Variants in GABRB3 observed in about 807,000 individuals in gnomAD.
The protein encoded by GABRB3 is gamma-aminobutyric acid type A receptor subunit beta3.
Under a neutral mutation model 52.1 loss-of-function variants are expected in GABRB3, and 14 were observed. The ratio of observed to expected loss-of-function variants is 0.27; its 90% confidence interval spans 0.18 to 0.42. GABRB3 has a LOEUF of 0.42. Among genes scored for constraint, GABRB3 ranks in the 10% least tolerant of loss-of-function variants. The pLI is 1.00. For synonymous variants in GABRB3, 260 were observed against 232.3 expected (o/e 1.12, Z -1.08); for missense variants, 307 against 609.1 (o/e 0.50, Z 5.22).
chr15:26,643,213 G>T (rs991872911), intron 3 of GABRB3, among the ~76,000 whole-genome samples: 10 of 152,184 alleles, frequency 6.6e-5, no homozygotes, highest in Admixed American at 6.5e-4. Flanking sequence ...TCACCGAGGA[G>T]CTGTTCTCCC....
At chr15:26,755,086 C>T (rs1890624296) in intron 3 of GABRB3, among the ~76,000 whole-genome samples, 1 of 150,312 alleles carries the variant, frequency 6.7e-6, no homozygotes, top group Non-Finnish European at 1.5e-5. Context: ...TCACTGCAAC[C>T]TCCAACTCCT....
At chr15:26,632,930 C>A (rs1892950056) in intron 3 of GABRB3, among the ~76,000 whole-genome samples, 1 of 152,286 alleles carries the variant, frequency 6.6e-6, no homozygotes, top group East Asian at 1.9e-4. Context: ...CCAGTCACCC[C>A]TGAAAGAAGA....
In GABRB3 at chr15:26,672,787, G is replaced by A. The variant is rs750542222; in HGVS notation, c.241-51253C>T. Among the ~76,000 whole-genome samples, 10 of 152,152 alleles carry A rather than the reference G, an allele frequency of 6.6e-5. No individual in the cohort carries two copies. The East Asian group carries it at 7.7e-4, about 12-fold the overall frequency. ...CAAACATCATGATCAGAGCAGATGC[G>A]CAATGTTTACAAGGACGGATGAAAA... On this transcript the variant is annotated intron_variant, in intron 3 of 8. Coordinates refer to ENST00000311550, the MANE Select transcript of GABRB3 (RefSeq NM_000814.6).
At chr15:26,655,570 G>A (rs942589804) in intron 3 of GABRB3, among the ~76,000 whole-genome samples, 5 of 152,056 alleles carry the variant, frequency 3.3e-5, no homozygotes, top group Admixed American at 1.3e-4. Context: ...GTGAAACCCT[G>A]TCTCTACTAA....
At chr15:26,750,666 C>G (rs758627349) in intron 3 of GABRB3, among the ~76,000 whole-genome samples, 3 of 152,026 alleles carry the variant, frequency 2.0e-5, no homozygotes, top group Non-Finnish European at 4.4e-5. Context: ...ATGCAAGAAG[C>G]TGCTTTAGAG....
intron 3 of GABRB3, among the ~76,000 whole-genome samples, chr15:26,714,237 T>C (rs1255170951): frequency 2.0e-5 from 3 of 152,210 alleles, no homozygotes. Flanking sequence ...TGTAGTGAGA[T>C]GATACACAGA....
chr15:26,705,331 C>A (rs1889064725), intron 3 of GABRB3, among the ~76,000 whole-genome samples: 1 of 152,148 alleles, frequency 6.6e-6, no homozygotes, highest in Admixed American at 6.5e-5. Context: ...CTCTTAAAGG[C>A]TACACCTCTT....
intron 4 of GABRB3, among the ~76,000 whole-genome samples, chr15:26,609,132 ACAC>A (rs1225784374): frequency 1.8e-5 from 2 of 108,624 alleles, no homozygotes; most frequent in Admixed American, 9.2e-5. Flanking sequence ...ACACACACAC[ACAC>A]AATGGAATGC....
intron 6 of GABRB3, among the ~76,000 whole-genome samples, 191 bp downstream of exon 6, chr15:26,580,128 G>A (rs144117995): frequency 3.3e-5 from 5 of 152,300 alleles, no homozygotes; most frequent in African/African-American, 1.2e-4. Flanking sequence ...TCTCAGGTGA[G>A]CCTTCCTCCC....
intron 3 of GABRB3, among the ~76,000 whole-genome samples, chr15:26,769,273 T>C (rs1891079551): frequency 6.6e-6 from 1 of 152,226 alleles, no homozygotes; most frequent in South Asian, 2.1e-4. Context: ...ATACACGTTT[T>C]CAAAAATGCA....
chr15:26,593,732 G>A (rs886500553), intron 4 of GABRB3, among the ~76,000 whole-genome samples: 4 of 151,650 alleles, frequency 2.6e-5, no homozygotes, highest in Non-Finnish European at 4.4e-5. Context: ...CAGACATTTG[G>A]GTTGTTTCTA....
At chr15:26,620,777 C>T (rs1892453268) in intron 4 of GABRB3, among the ~76,000 whole-genome samples, 1 of 136,444 alleles carries the variant, frequency 7.3e-6, no homozygotes, top group African/African-American at 2.4e-5. Context: ...AGGAAGGCAG[C>T]CTGGTTTCCT....
At chr15:26,685,425 C>G (rs1888370186) in intron 3 of GABRB3, among the ~76,000 whole-genome samples, 1 of 152,028 alleles carries the variant, frequency 6.6e-6, no homozygotes, top group African/African-American at 2.4e-5. Context: ...GGATCCAACT[C>G]TATAACAGCA....
chr15:26,747,518 C>T (rs1890380348), intron 3 of GABRB3, among the ~76,000 whole-genome samples: 1 of 152,080 alleles, frequency 6.6e-6, no homozygotes, highest in African/African-American at 2.4e-5. Flanking sequence ...TCTCAGTTCC[C>T]ACATATTTGT....
intron 3 of GABRB3, among the ~76,000 whole-genome samples, chr15:26,643,208 G>A (rs1253298855): frequency 2.0e-5 from 3 of 152,140 alleles, no homozygotes; most frequent in Non-Finnish European, 2.9e-5. Context: ...ACAGTTCACC[G>A]AGGAGCTGTT....
intron 3 of GABRB3, chr15:26,657,419 T>A (rs2140602873): frequency 6.6e-6 from 1 of 152,318 alleles, no homozygotes; most frequent in East Asian, 1.9e-4. Flanking sequence ...GAATACTCAC[T>A]TGCCCTAGTT....
At chr15:26,721,991 T>C (rs572941429) in intron 3 of GABRB3, among the ~76,000 whole-genome samples, 1 of 152,308 alleles carries the variant, frequency 6.6e-6, no homozygotes, top group South Asian at 2.1e-4. Context: ...CAGTTTTCCA[T>C]CTACTCAATA....
In GABRB3 at chr15:26,547,910, G is replaced by A. The variant is rs765398109; in HGVS notation, c.1305C>T (p.Leu435=). The part of the protein sequence containing the change: ...KTHLRRRSSQ[L]KIKIPDLTDV... ...CGGTTAGATCAGGTATTTTAATTTTGAGCTGTGAAGACCTCCTCCGTAGAT... is the reference window on the plus strand; with the variant it reads ...CGGTTAGATCAGGTATTTTAATTTTAAGCTGTGAAGACCTCCTCCGTAGAT... Residue 435 remains leucine, a synonymous_variant, in exon 9 of 9, where the codon CTC becomes CTT. Transcript: ENST00000311550. 3.1e-6 allele frequency: 5 copies of A among 1,614,000 alleles called. No individual in the cohort carries two copies. The highest frequency in any genetic ancestry group is 1.7e-5 in the Admixed American group (1 of 59,992).
Position 26,545,620 on chromosome 15 carries a change from C to T in GABRB3, c.*2173G>A, listed in dbSNP as rs1045012818. On this transcript the variant is annotated 3_prime_UTR_variant, in exon 9 of 9. Transcript: ENST00000311550. ...TAATTACTGGATACAGAAAAAGATACCTGAAGTATTGAAAGGGATAAGGTC... is the reference window on the plus strand; with the variant it reads ...TAATTACTGGATACAGAAAAAGATATCTGAAGTATTGAAAGGGATAAGGTC... 6.6e-6 allele frequency: 1 copy of T among 152,306 alleles called. No homozygotes were observed. The highest frequency in any genetic ancestry group is 1.5e-5 in the Non-Finnish European group (1 of 68,018). 9.4% of individuals were successfully genotyped at this position (152,306 alleles called of 1,614,324 possible). A position where few individuals can be genotyped will look rare whatever the true frequency, so the allele number is the denominator to read the frequency against.
Sources: allele counts gnomAD v4.1 joint callset (sites outside exome capture counted in the v4.1 genomes callset), GRCh38; gene constraint gnomAD v4.1.1; transcripts MANE v1.5; gene names NCBI Gene and HGNC (gene_info 2026-07-23, HGNC 2026-07-21).